The following RUFY3 variants were observed in gnomAD, a reference collection of about 807,000 sequenced individuals.
The protein encoded by RUFY3 is protein RUFY3.
In RUFY3, 34 loss-of-function variants were observed where a neutral mutation model predicts 84.0. The observed-to-expected ratio is 0.40, with a 90% CI of 0.31 to 0.54. The LOEUF (loss-of-function observed/expected upper bound fraction) is 0.54, where lower values mean the gene tolerates loss of function less well. RUFY3 is among the 20% of genes least tolerant of loss of function. The pLI is 0.39. For missense variants in RUFY3, 507 were observed against 736.8 expected, an observed-to-expected ratio of 0.69 and a Z score of 3.61; for synonymous variants, 242 against 252.9, an observed-to-expected ratio of 0.96 and a Z score of 0.41.
At chr4:70,733,136 G>A (rs1339249965) in intron 1 of RUFY3, among the ~76,000 whole-genome samples, 83 of 116,258 alleles carry the variant, frequency 7.1e-4, no homozygotes, top group African/African-American at 3.1e-3. Flanking sequence ...GAGGGAGGGA[G>A]GGAGAGAGAG....
chr4:70,805,637 A>G (rs1194820047), intron 17 of RUFY3, among the ~76,000 whole-genome samples: 1 of 152,260 alleles, frequency 6.6e-6, no homozygotes, highest in Non-Finnish European at 1.5e-5. Context: ...ACTGGAAGTT[A>G]CAATTATAGA....
At chr4:70,748,072 G>A (rs114598257) in intron 1 of RUFY3, among the ~76,000 whole-genome samples, 1,872 of 151,928 alleles carry the variant, frequency 0.012, 33 homozygotes, top group South Asian at 0.056. Context: ...ACAGTTCTTC[G>A]TGGCAGACCA....
At position 70,705,293 on chromosome 4, in the gene RUFY3, C is replaced by T. The variant is rs563396856; in HGVS notation, c.357C>T (p.His119=). ...GCGGCAGCAGCGGCAGCGGCAAGCA[C>T]CGTGAGTGGCGGAGGGGCATGGGGA... The change falls in exon 1 of 12, where the codon CAC becomes CAT. Residue 119 remains histidine (H), a splice_region_variant and synonymous_variant. Transcript: ENST00000417478. The T allele has an allele frequency of 1.2e-5, 17 of 1,406,666 alleles. No individual in the cohort carries two copies. The South Asian group carries it at 1.5e-4, about 13-fold the overall frequency. 87.1% of individuals were successfully genotyped at this position (1,406,666 alleles called of 1,614,324 possible).
At chr4:70,707,069 A>G (rs1740418755) in intron 1 of RUFY3, among the ~76,000 whole-genome samples, 1 of 152,244 alleles carries the variant, frequency 6.6e-6, no homozygotes, top group Non-Finnish European at 1.5e-5. Context: ...CCTGAATTTC[A>G]GTTGACTGGA....
At chr4:70,726,215 G>T (rs1718207182) in intron 1 of RUFY3, among the ~76,000 whole-genome samples, 2 of 151,920 alleles carry the variant, frequency 1.3e-5, no homozygotes, top group Admixed American at 1.3e-4. Context: ...GGTGGCTGGA[G>T]AATGAACATA....
chr4:70,780,161 G>A (rs1214680272), intron 8 of RUFY3, among the ~76,000 whole-genome samples: 3 of 152,092 alleles, frequency 2.0e-5, no homozygotes, highest in Non-Finnish European at 4.4e-5. Context: ...ATTTTTTACT[G>A]TTATTCTGCT....
intron 1 of RUFY3, among the ~76,000 whole-genome samples, chr4:70,748,682 G>T (rs565495584): frequency 6.6e-6 from 1 of 152,224 alleles, no homozygotes; most frequent in South Asian, 2.1e-4. Context: ...AGTTCTTCTT[G>T]GACCAGAGTC....
intron 7 of RUFY3, among the ~76,000 whole-genome samples, chr4:70,775,946 A>AAAAAAAAAAAAAAAAAAAAAAAAAC (rs756167508): frequency 1.4e-5 from 2 of 137,980 alleles, no homozygotes; most frequent in African/African-American, 5.9e-5. Context: ...GTCTTAAACA[A>AAAAAAAAAAAAAAAAAAAAAAAAAC]AAAAAAAAAA....
In RUFY3 at chr4:70,757,460, C is replaced by T. The variant is rs998873416; in HGVS notation, c.179-5059C>T. Among the ~76,000 whole-genome samples the T allele has an allele frequency of 3.9e-5, 6 of 151,900 alleles. No individual in the cohort carries two copies. In the South Asian group the frequency reaches 6.2e-4, roughly 16 times the overall value. On this transcript the variant is annotated intron_variant, in intron 1 of 17. Transcript: ENST00000381006. ...TCTCTACTAAAAATACAAAACTAGC[C>T]GCACGTGGTGGCACATGCCTGTAAT...
intron 1 of RUFY3, among the ~76,000 whole-genome samples, chr4:70,730,560 G>A (rs112209006): frequency 0.018 from 2,325 of 130,768 alleles, 86 homozygotes; most frequent in African/African-American, 0.076. Flanking sequence ...CCAACATGGT[G>A]TACTAAAAAT....
chr4:70,739,008 C>G (rs1027118711), intron 1 of RUFY3, among the ~76,000 whole-genome samples: 2 of 151,978 alleles, frequency 1.3e-5, no homozygotes, highest in African/African-American at 4.8e-5. Context: ...AACCACCACA[C>G]CCAGCCTCAG....
chr4:70,722,304 T>C lies in RUFY3; in HGVS notation c.-270T>C. On this transcript the variant is annotated 5_prime_UTR_variant, in exon 1 of 18. Coordinates refer to ENST00000381006, the MANE Select transcript of RUFY3 (RefSeq NM_001037442.4). ...AAGGGAAGATAAAAGGAGAGGAAGC[T>C]GGGAGAAGACAAGCATCATCTTATT... is the stretch of plus-strand genomic sequence containing the variant. 1 of 1,234,334 alleles carries C rather than the reference T, an allele frequency of 8.1e-7. No individual in the cohort carries two copies. Among genetic ancestry groups the C allele is most frequent in the Non-Finnish European group, 1.0e-6 (1 of 989,964 alleles). 76.5% of individuals were successfully genotyped at this position (1,234,334 alleles called of 1,614,324 possible).
intron 1 of RUFY3, among the ~76,000 whole-genome samples, chr4:70,713,325 G>A (rs1741205436): frequency 6.6e-6 from 1 of 152,142 alleles, no homozygotes; most frequent in African/African-American, 2.4e-5. Context: ...GCCTGGCCAG[G>A]AAATGTTTTT....
intron 1 of RUFY3, among the ~76,000 whole-genome samples, chr4:70,754,216 C>A (rs1013198681): frequency 1.3e-5 from 2 of 152,112 alleles, no homozygotes; most frequent in African/African-American, 2.4e-5. Context: ...CCACACCCAG[C>A]TAACTTTTGT....
At position 70,711,873 on chromosome 4, in the gene RUFY3, A is replaced by G. The variant is rs1577895799; in HGVS notation, c.358+6579A>G. ...TGCCTTTGTGAGCAGGGCTCCCTGA[A>G]CTCTCACAGTTTGTCTTCCCAGCCA... On this transcript the variant is annotated intron_variant, in intron 1 of 11. Coordinates refer to the RUFY3 transcript ENST00000417478. Among the ~76,000 whole-genome samples the G allele has an allele frequency of 5.3e-5, 8 of 151,886 alleles. 1 individual carries two copies. The South Asian group carries it at 1.7e-3, about 32-fold the overall frequency.
At chr4:70,729,245 C>G (rs1718804479) in intron 1 of RUFY3, among the ~76,000 whole-genome samples, 1 of 152,042 alleles carries the variant, frequency 6.6e-6, no homozygotes, top group South Asian at 2.1e-4. Flanking sequence ...CAAGTGATCA[C>G]TTCATGCTTG....
rs150491599 is a variant in RUFY3, at chr4:70,734,597, A to T, written c.178+11846A>T. The T allele has an allele frequency of 3.1e-6, 3 of 981,770 alleles. No homozygotes were observed. The African/African-American group carries it at 5.2e-5, about 17-fold the overall frequency. The allele number at this position is 981,770 out of a possible 1,614,324, so 60.8% of individuals were successfully genotyped here. On this transcript the variant is annotated intron_variant, in intron 1 of 17. Transcript: ENST00000381006. ...CCTGGCTAGTCACCCTTTCAAGGTA[A>T]GTTTTACCCACTTAGCTTCCAGGAT... is the stretch of plus-strand genomic sequence containing the variant.
intron 1 of RUFY3, among the ~76,000 whole-genome samples, chr4:70,715,747 G>A (rs576340841): frequency 6.6e-6 from 1 of 152,258 alleles, no homozygotes; most frequent in African/African-American, 2.4e-5. Context: ...TGCACAACTT[G>A]ACAAATTTTA....
intron 1 of RUFY3, among the ~76,000 whole-genome samples, chr4:70,711,030 C>T (rs1418152649): frequency 7.1e-6 from 1 of 141,100 alleles, no homozygotes; most frequent in Non-Finnish European, 1.5e-5. Context: ...CGCCACTACA[C>T]TCCAGCCTGG....
Sources: gnomAD v4.1 joint callset for allele counts (sites outside exome capture counted in the v4.1 genomes callset) on GRCh38, gnomAD v4.1.1 for gene constraint, MANE v1.5 for transcripts, NCBI Gene and HGNC (gene_info 2026-07-23, HGNC 2026-07-21) for gene names.